The following KCNH3 variants were observed in gnomAD, a reference collection of about 807,000 sequenced individuals.
KCNH3 encodes voltage-gated inwardly rectifying potassium channel KCNH3.
KCNH3 carries 36 observed loss-of-function variants against 95.6 expected under a neutral mutation model. That is an observed-to-expected ratio of 0.38 (90% CI 0.29 to 0.50). KCNH3 has a LOEUF of 0.50. Among genes scored for constraint, KCNH3 ranks in the 20% least tolerant of loss-of-function variants. The pLI, the probability that KCNH3 is intolerant of heterozygous loss-of-function variation, is 0.95. For missense variants in KCNH3, 1,030 were observed against 1,484.1 expected, an observed-to-expected ratio of 0.69 and a Z score of 5.03; for synonymous variants, 620 against 646.3, an observed-to-expected ratio of 0.96 and a Z score of 0.62.
Position 49,558,310 on chromosome 12 carries a change from C to T in KCNH3, c.*357C>T, listed in dbSNP as rs1435404667. On this transcript the variant is annotated 3_prime_UTR_variant, in exon 15 of 15. Coordinates refer to ENST00000257981, the MANE Select transcript of KCNH3 (RefSeq NM_012284.3). ...AAAATAAAATAAACTACTTTGGAAC[C>T]TGGTGCTTTTTATTTACAAAAGAAA... is the stretch of plus-strand genomic sequence containing the variant. The T allele has an allele frequency of 2.5e-6, 1 of 403,906 alleles. No homozygotes were observed. The allele number at this position is 403,906 out of a possible 1,614,324, so 25.0% of individuals were successfully genotyped here. A position where few individuals can be genotyped will look rare whatever the true frequency, so the allele number is the denominator to read the frequency against.
rs1046923762 is a variant in KCNH3, at chr12:49,543,571, T to C, written c.823+53T>C. 8.9e-6 allele frequency: 14 copies of C among 1,568,402 alleles called. No individual in the cohort carries two copies. In the African/African-American group the frequency reaches 1.9e-4, roughly 21 times the overall value. ...ACCCTTTGCTGGCGCCCTGGGGCTTTGCTGGGGATAGTCCACGTGGCTTCC... is the reference window on the plus strand; with the variant it reads ...ACCCTTTGCTGGCGCCCTGGGGCTTCGCTGGGGATAGTCCACGTGGCTTCC... On this transcript the variant is annotated intron_variant, in intron 5 of 14. Coordinates refer to ENST00000257981, the MANE Select transcript of KCNH3 (RefSeq NM_012284.3).
At chr12:49,553,221 G>A (rs555457850) in intron 10 of KCNH3, among the ~76,000 whole-genome samples, 2 of 150,314 alleles carry the variant, frequency 1.3e-5, no homozygotes, top group South Asian at 2.1e-4. Flanking sequence ...CTGCAGCCTC[G>A]ACCTACTGGG....
At chr12:49,543,182 G>A in intron 4 of KCNH3, 93 bp from the exon 5 acceptor site, 1 of 1,367,960 alleles carries the variant, frequency 7.3e-7, no homozygotes, top group Admixed American at 2.0e-5. Flanking sequence ...TGCAGGGATA[G>A]AAAGGAGGTG....
Position 49,541,610 on chromosome 12 carries a change from G to A in KCNH3, c.311-20G>A, listed in dbSNP as rs372000703. 5.6e-6 allele frequency: 9 copies of A among 1,613,480 alleles called. No homozygotes were observed. The African/African-American group carries it at 1.1e-4, about 19-fold the overall frequency. On this transcript the variant is annotated intron_variant, in intron 2 of 14. Transcript: ENST00000257981. ...CAGTGCTGAGAATAGGAGGTGGGCT[G>A]AGTTTGTTTTTGTGCCCAGGGCTCC...
Position 49,557,696 on chromosome 12 carries a change from G to C in KCNH3, c.2995G>C (p.Asp999His). 6.2e-7 allele frequency: 1 copy of C among 1,613,832 alleles called. No homozygotes were observed. Among genetic ancestry groups the C allele is most frequent in the Non-Finnish European group, 8.5e-7 (1 of 1,180,000 alleles). The change falls in exon 15 of 15, where the codon GAC becomes CAC. Residue 999 changes from aspartate to histidine, a missense_variant. Transcript: ENST00000257981. ...RATAFWTSTS[D>H]SEPPASGDLC... ...CACAGCTTTCTGGACCTCCACCTCA[G>C]ACTCAGAGCCCCCTGCCTCAGGAGA... is the stretch of plus-strand genomic sequence containing the variant.
Position 49,539,504 on chromosome 12 carries a change from C to T in KCNH3, c.76+12C>T. ...CTTCGACGGCACGCGTGAGTCCGAC[C>T]CTCGCCCACTTGCACCCGGGCCGCC... On this transcript the variant is annotated intron_variant, in intron 1 of 14. Transcript: ENST00000257981. This position sits in a 1 kb window ranked among gnomAD's most constrained non-coding sequence, Gnocchi z 6.7. 1 of 1,587,922 alleles carries T rather than the reference C, an allele frequency of 6.3e-7. No individual in the cohort carries two copies. Among genetic ancestry groups the T allele is most frequent in the South Asian group, 1.1e-5 (1 of 88,006 alleles).
Position 49,549,603 on chromosome 12 carries a change from C to A in KCNH3, c.1631C>A (p.Ala544Asp). The stretch of plus-strand genomic sequence containing the variant: ...CAGCGCATGCTGGAGTACTTCCAGG[C>A]CACCTGGGCGGTGAACAATGGCATC... ...LKQRMLEYFQ[A>D]TWAVNNGIDT... The change falls in exon 9 of 15, where the codon GCC (alanine) becomes GAC (aspartate). Residue 544 changes from alanine (A) to aspartate (D), a missense_variant. Ala to Asp is a moderately radical substitution (Grantham distance 126, BLOSUM62 -2). Around this residue, in one of 9 missense-constraint regions of KCNH3, gnomAD observed 160 missense variants for 316.2 expected, o/e 0.51. Coordinates refer to ENST00000257981, the MANE Select transcript of KCNH3 (RefSeq NM_012284.3). 1 of 1,611,942 alleles carries A rather than the reference C, an allele frequency of 6.2e-7. No individual in the cohort carries two copies. Among genetic ancestry groups the A allele is most frequent in the Non-Finnish European group, 8.5e-7 (1 of 1,180,014 alleles).
intron 7 of KCNH3, among the ~76,000 whole-genome samples, chr12:49,548,260 C>T (rs1938135974): frequency 6.6e-6 from 1 of 152,188 alleles, no homozygotes; most frequent in African/African-American, 2.4e-5. Flanking sequence ...GTGTGCACAG[C>T]CTTTTCAGTG....
intron 1 of KCNH3, among the ~76,000 whole-genome samples, chr12:49,540,013 G>A (rs1467243754): frequency 3.3e-5 from 5 of 152,190 alleles, no homozygotes; most frequent in Admixed American, 3.3e-4. Flanking sequence ...AGGCCATCTA[G>A]CCCCAAGAAG....
chr12:49,556,665 C>G (rs539456979), intron 13 of KCNH3, 189 bp downstream of exon 13: 1 of 701,012 alleles, frequency 1.4e-6, no homozygotes, highest in South Asian at 1.5e-5. Flanking sequence ...ACTTTAATTT[C>G]GACGCAGCCA....
chr12:49,550,805 T>C (rs2278068), intron 10 of KCNH3, among the ~76,000 whole-genome samples: 31,067 of 152,112 alleles, frequency 0.2, 4,865 homozygotes, highest in African/African-American at 0.45. Flanking sequence ...CTCCAAACAG[T>C]CAGGGAGACT....
chr12:49,541,231 T>G (rs1937860117), intron 2 of KCNH3, 99 bp downstream of exon 2: 2 of 874,934 alleles, frequency 2.3e-6, no homozygotes, highest in South Asian at 3.2e-5. Flanking sequence ...TGCCATCTTC[T>G]CCATCTCCCC....
Position 49,543,519 on chromosome 12 carries a change from G to A in KCNH3, c.823+1G>A. 6.3e-7 allele frequency: 1 copy of A among 1,592,456 alleles called. No homozygotes were observed. The highest frequency in any genetic ancestry group is 8.5e-7 in the Non-Finnish European group (1 of 1,174,192). The stretch of plus-strand genomic sequence containing the variant: ...GCCGTGGAGGTCCTCTTCATCCTTG[G>A]TGCGTGCACTCTGCCCCTTCCGCCC... On this transcript the variant is annotated splice_donor_variant, in intron 5 of 14. Coordinates refer to ENST00000257981, the MANE Select transcript of KCNH3 (RefSeq NM_012284.3). LOFTEE classifies it high-confidence loss of function.
intron 3 of KCNH3, 52 bp downstream of exon 3, chr12:49,541,816 C>T (rs551635901): frequency 2.1e-5 from 33 of 1,598,436 alleles, no homozygotes; most frequent in Admixed American, 8.8e-5. Context: ...CAGGCCCGGG[C>T]GGGGCCTTGG....
At position 49,558,189 on chromosome 12, in the gene KCNH3, G is replaced by A; in HGVS notation, c.*236G>A. On this transcript the variant is annotated 3_prime_UTR_variant, in exon 15 of 15. Transcript: ENST00000257981. Reference sequence around the variant, plus strand: ...TCTGACCTCCCGGTCTCCCTCTGCAGGCTGGGGGCAGAGGCCTGAGGACAA... The same window carrying A: ...TCTGACCTCCCGGTCTCCCTCTGCAAGCTGGGGGCAGAGGCCTGAGGACAA... The A allele has an allele frequency of 2.4e-6, 1 of 420,092 alleles. No homozygotes were observed. Among genetic ancestry groups the A allele is most frequent in the Non-Finnish European group, 4.1e-6 (1 of 243,578 alleles). The allele number at this position is 420,092 out of a possible 1,614,324, so 26.0% of individuals were successfully genotyped here.
In KCNH3 at chr12:49,543,359, G is replaced by A; in HGVS notation, c.664G>A (p.Ala222Thr). 1.2e-6 allele frequency: 2 copies of A among 1,613,444 alleles called. No homozygotes were observed. Among genetic ancestry groups the A allele is most frequent in the South Asian group, 1.1e-5 (1 of 91,082 alleles). Residue 222 changes from alanine (A) to threonine (T), a missense_variant, in exon 5 of 15, where the codon GCA becomes ACA. Ala to Thr is a moderately conservative substitution (Grantham distance 58). This residue lies in a region of KCNH3 where 153 missense variants were observed against 288.5 expected (regional missense o/e 0.53). Coordinates refer to ENST00000257981, the MANE Select transcript of KCNH3 (RefSeq NM_012284.3). ...KSPFILLHCGALRATWDGFIL... is the reference protein window; with the variant it reads ...KSPFILLHCGTLRATWDGFIL... Reference sequence around the variant, plus strand: ...GCCCTTCATCCTGTTGCACTGTGGGGCACTGAGAGCCACCTGGGATGGCTT... The same window carrying A: ...GCCCTTCATCCTGTTGCACTGTGGGACACTGAGAGCCACCTGGGATGGCTT...
intron 11 of KCNH3, 48 bp downstream of exon 11, chr12:49,554,602 C>T (rs2138165763): frequency 6.6e-7 from 1 of 1,523,236 alleles, no homozygotes; most frequent in South Asian, 1.1e-5. Flanking sequence ...TGCCAGGGAG[C>T]CTGGTGAAGT....
chr12:49,548,606 C>A (rs1291168697), intron 7 of KCNH3, among the ~76,000 whole-genome samples: 1 of 152,204 alleles, frequency 6.6e-6, no homozygotes, highest in African/African-American at 2.4e-5. Flanking sequence ...TTTGCCCACG[C>A]CAGCCAGGCC....
chr12:49,557,675 G>A lies in KCNH3; in HGVS notation c.2974G>A (p.Ala992Thr), dbSNP rs1159394457. 14 of 1,613,686 alleles carry A rather than the reference G, an allele frequency of 8.7e-6. No individual in the cohort carries two copies. Among genetic ancestry groups the A allele is most frequent in the Non-Finnish European group, 1.2e-5 (14 of 1,179,992 alleles). ...SQSSPWPRAT[A>T]FWTSTSDSEP... is the part of the protein sequence containing the mutation. Reference sequence around the variant, plus strand: ...GAGCTCCCCCTGGCCTCGAGCCACAGCTTTCTGGACCTCCACCTCAGACTC... The same window carrying A: ...GAGCTCCCCCTGGCCTCGAGCCACAACTTTCTGGACCTCCACCTCAGACTC... Residue 992 changes from alanine (A) to threonine (T), a missense_variant, in exon 15 of 15, where the codon GCT becomes ACT. Ala to Thr is a moderately conservative substitution (Grantham distance 58, BLOSUM62 0). Coordinates refer to ENST00000257981, the MANE Select transcript of KCNH3 (RefSeq NM_012284.3).
Sources: gnomAD v4.1 joint callset for allele counts (sites outside exome capture counted in the v4.1 genomes callset) on GRCh38, gnomAD v4.1.1 for gene constraint, gnomAD v4.1.1 regional missense constraint, Gnocchi (gnomAD v3.1) non-coding constraint, MANE v1.5 for transcripts, NCBI Gene and HGNC (gene_info 2026-07-23, HGNC 2026-07-21) for gene names.